SNX24: variants seen among roughly 807,000 people sequenced by gnomAD.
SNX24 encodes the protein sorting nexin-24.
Under a neutral mutation model 28.7 loss-of-function variants are expected in SNX24, and 22 were observed. The observed-to-expected ratio is 0.77, with a 90% CI of 0.55 to 1.10. The LOEUF (loss-of-function observed/expected upper bound fraction) is 1.10, where lower values mean the gene tolerates loss of function less well. Among genes scored for constraint, SNX24 ranks in the 50% least tolerant of loss-of-function variants. The pLI is 0.00. For synonymous variants in SNX24, 69 were observed against 71.5 expected (o/e 0.96, Z 0.18); for missense variants, 221 against 201.1 (o/e 1.10, Z -0.60).
intron 5 of SNX24, among the ~76,000 whole-genome samples, chr5:123,028,221 CAT>C (rs1253234285): frequency 1.3e-5 from 2 of 152,180 alleles, no homozygotes; most frequent in Admixed American, 6.5e-5. Flanking sequence ...AATGAAAACA[CAT>C]AGCCAGGAGT....
At chr5:122,888,850 G>C (rs1249118578) in intron 1 of SNX24, among the ~76,000 whole-genome samples, 1 of 152,060 alleles carries the variant, frequency 6.6e-6, no homozygotes, top group Non-Finnish European at 1.5e-5. Context: ...AGATGTAATG[G>C]GATAACTTTG....
At chr5:122,879,649 T>C (rs1179404674) in intron 1 of SNX24, among the ~76,000 whole-genome samples, 2 of 151,976 alleles carry the variant, frequency 1.3e-5, no homozygotes, top group African/African-American at 2.4e-5. Flanking sequence ...GAAATGAGGA[T>C]GTAATAACAA....
At chr5:122,910,169 C>T (rs537841463) in intron 1 of SNX24, among the ~76,000 whole-genome samples, 45 of 152,262 alleles carry the variant, frequency 3.0e-4, no homozygotes, top group Middle Eastern at 3.4e-3. Flanking sequence ...AACAAAGTTG[C>T]ATTAGAACTT....
intron 5 of SNX24, among the ~76,000 whole-genome samples, chr5:123,021,199 C>T (rs1255368386): frequency 6.6e-6 from 1 of 151,112 alleles, no homozygotes; most frequent in Non-Finnish European, 1.5e-5. Context: ...ACTTCACTGA[C>T]TTATTGCTCC....
chr5:122,921,089 A>G (rs1346302746), intron 1 of SNX24, among the ~76,000 whole-genome samples: 1 of 152,022 alleles, frequency 6.6e-6, no homozygotes, highest in Non-Finnish European at 1.5e-5. Context: ...ATATACGCAC[A>G]CATACATCAC....
chr5:123,001,412 G>A lies in SNX24; in HGVS notation c.352G>A (p.Asp118Asn), dbSNP rs1012263217. ...CTTTTTCAAAACTTTTAGATCTTTT[G>A]ATGAAACAGAGTCTGAAGAGTCAAG... ...LPKAESCGSF[D>N]ETESEESSKL... Residue 118 changes from aspartate (D) to asparagine (N), a missense_variant, in exon 5 of 7, where the codon GAT becomes AAT. Coordinates refer to ENST00000261369, the MANE Select transcript of SNX24 (RefSeq NM_014035.4). The A allele has an allele frequency of 3.7e-6, 6 of 1,603,008 alleles. No homozygotes were observed. The African/African-American group carries it at 6.7e-5, about 18-fold the overall frequency.
At chr5:122,866,898 C>T (rs1350607858) in intron 1 of SNX24, among the ~76,000 whole-genome samples, 4 of 152,194 alleles carry the variant, frequency 2.6e-5, no homozygotes, top group African/African-American at 9.7e-5. Flanking sequence ...GCATTCCTCA[C>T]TATGGAACTA....
chr5:122,888,471 T>G (rs561436873), intron 1 of SNX24, among the ~76,000 whole-genome samples: 228 of 152,356 alleles, frequency 1.5e-3, no homozygotes, highest in Non-Finnish European at 2.4e-3. Flanking sequence ...ATAATGATAG[T>G]ATCTAAAACT....
At chr5:122,910,536 T>A (rs1237318183) in intron 1 of SNX24, among the ~76,000 whole-genome samples, 1 of 151,272 alleles carries the variant, frequency 6.6e-6, no homozygotes, top group Non-Finnish European at 1.5e-5. Context: ...GTTACATATG[T>A]ATACATGTGC....
intron 3 of SNX24, among the ~76,000 whole-genome samples, chr5:122,992,426 G>C (rs1761894318): frequency 6.6e-6 from 1 of 152,014 alleles, no homozygotes; most frequent in Non-Finnish European, 1.5e-5. Context: ...AACCTCTCCA[G>C]GTTAGGTGCC....
chr5:122,885,974 C>G (rs187076172), intron 1 of SNX24, among the ~76,000 whole-genome samples: 1 of 145,358 alleles, frequency 6.9e-6, no homozygotes, highest in Non-Finnish European at 1.5e-5. Flanking sequence ...CTAATGCCCC[C>G]GCTGATCCGA....
chr5:122,899,676 T>C (rs1421995616), intron 1 of SNX24, among the ~76,000 whole-genome samples: 5 of 152,134 alleles, frequency 3.3e-5, no homozygotes, highest in African/African-American at 4.8e-5. Flanking sequence ...CCCAAAGTGC[T>C]GAAATTACAG....
intron 1 of SNX24, among the ~76,000 whole-genome samples, chr5:122,860,891 C>A (rs905891315): frequency 2.0e-5 from 3 of 152,022 alleles, no homozygotes; most frequent in Admixed American, 1.3e-4. Flanking sequence ...CCACTGCGCC[C>A]GGCCAAGAAA....
intron 1 of SNX24, among the ~76,000 whole-genome samples, chr5:122,928,228 C>T (rs756801007): frequency 1.3e-5 from 2 of 152,168 alleles, no homozygotes; most frequent in Non-Finnish European, 2.9e-5. Context: ...TTCCATCTGC[C>T]TGGACCAACC....
At chr5:122,876,393 A>G (rs1375171031) in intron 1 of SNX24, among the ~76,000 whole-genome samples, 1 of 152,254 alleles carries the variant, frequency 6.6e-6, no homozygotes, top group Non-Finnish European at 1.5e-5. Flanking sequence ...CTTAATTAAT[A>G]TATTGGTAAT....
chr5:122,978,287 T>C (rs1026076481), intron 3 of SNX24, among the ~76,000 whole-genome samples: 1 of 152,212 alleles, frequency 6.6e-6, no homozygotes, highest in African/African-American at 2.4e-5. Flanking sequence ...TTTGTAATAG[T>C]TATCTGGAAA....
intron 3 of SNX24, among the ~76,000 whole-genome samples, chr5:122,993,708 A>C (rs1298599915): frequency 6.6e-6 from 1 of 152,150 alleles, no homozygotes; most frequent in African/African-American, 2.4e-5. Flanking sequence ...AGGACTACAA[A>C]GCCTCTGTGA....
intron 3 of SNX24, among the ~76,000 whole-genome samples, chr5:122,969,264 G>T (rs1020651223): frequency 1.4e-4 from 21 of 152,206 alleles, no homozygotes; most frequent in African/African-American, 5.1e-4. Context: ...GGGTGTAAGT[G>T]GTGGGTTATT....
chr5:122,990,320 C>A (rs1161481018), intron 3 of SNX24, among the ~76,000 whole-genome samples: 3 of 152,062 alleles, frequency 2.0e-5, no homozygotes. Flanking sequence ...ATTGTTATAA[C>A]CGAACAAATA....
Sources: allele counts gnomAD v4.1 joint callset (sites outside exome capture counted in the v4.1 genomes callset), GRCh38; gene constraint gnomAD v4.1.1; transcripts MANE v1.5; gene names NCBI Gene and HGNC (gene_info 2026-07-23, HGNC 2026-07-21).